HSPA4L: variants seen among roughly 807,000 people sequenced by gnomAD.
HSPA4L encodes the protein heat shock protein family A (Hsp70) member 4 like, also known as heat shock 70 kDa protein 4L.
HSPA4L carries 48 observed loss-of-function variants against 100.3 expected under a neutral mutation model. That is an observed-to-expected ratio of 0.48 (90% CI 0.38 to 0.61). HSPA4L has a LOEUF of 0.61. Ranked by LOEUF, HSPA4L falls within the 20% of genes least tolerant of loss-of-function variation. The pLI is 0.00. For synonymous variants in HSPA4L, 319 were observed against 328.2 expected (o/e 0.97, Z 0.30); for missense variants, 886 against 988.6 (o/e 0.90, Z 1.39).
chr4:127,805,738 C>T lies in HSPA4L; in HGVS notation c.1189C>T (p.Leu397Phe). ...FKVREFSITD[L>F]VPYSITLRWK... ...AGTGCGTGAATTTTCCATAACAGACCTTGTTCCCTATTCAATCACATTAAG... is the reference window on the plus strand; with the variant it reads ...AGTGCGTGAATTTTCCATAACAGACTTTGTTCCCTATTCAATCACATTAAG... Residue 397 changes from leucine to phenylalanine, a missense_variant, in exon 10 of 19, where the codon CTT becomes TTT. By Grantham distance (22) the Leu-to-Phe change is conservative. Transcript: ENST00000296464. 1.2e-6 allele frequency: 2 copies of T among 1,612,654 alleles called. No individual in the cohort carries two copies. The highest frequency in any genetic ancestry group is 2.2e-5 in the South Asian group (2 of 90,952).
At chr4:127,821,847 T>C (rs1301789967) in intron 14 of HSPA4L, among the ~76,000 whole-genome samples, 1 of 152,164 alleles carries the variant, frequency 6.6e-6, no homozygotes, top group Non-Finnish European at 1.5e-5. Context: ...AGAAAACTTA[T>C]GTTTAGATGA....
Position 127,801,144 on chromosome 4 carries a change from A to G in HSPA4L, c.436A>G (p.Ser146Gly). 1.2e-6 allele frequency: 2 copies of G among 1,608,962 alleles called. No homozygotes were observed. ...TGTTGTTTTTAAATACTAGATTCCT[A>G]GCTTTTTTACTGATGCCGAGAGAAG... ...PVADCVISIP[S>G]FFTDAERRSV... Residue 146 changes from serine to glycine, a missense_variant, in exon 5 of 19, where the codon AGC becomes GGC. Coordinates refer to ENST00000296464, the MANE Select transcript of HSPA4L (RefSeq NM_014278.4).
At chr4:127,823,255 C>T (rs151035612) in intron 15 of HSPA4L, among the ~76,000 whole-genome samples, 3 of 152,122 alleles carry the variant, frequency 2.0e-5, no homozygotes, top group Non-Finnish European at 2.9e-5. Flanking sequence ...CTCAAGCAGT[C>T]CTCTCACCTC....
intron 3 of HSPA4L, 70 bp downstream of exon 3, chr4:127,795,978 A>G (rs372033195): frequency 6.7e-7 from 1 of 1,498,020 alleles, no homozygotes. Context: ...TAATATTGCT[A>G]TTTGTAGTTT....
chr4:127,794,115 G>T lies in HSPA4L; in HGVS notation c.146G>T (p.Gly49Val), dbSNP rs754279302. Reference protein sequence around the residue: ...ISLGSRTRAIGNAAKSQIVTN... With the variant: ...ISLGSRTRAIVNAAKSQIVTN... ...TTGGGATCAAGAACTCGAGCCATTG[G>T]AAATGCAGCAAAGAGCCAGGTAAAT... Residue 49 changes from glycine to valine, a missense_variant, in exon 2 of 19, where the codon GGA becomes GTA. Transcript: ENST00000296464. 1.2e-6 allele frequency: 2 copies of T among 1,611,186 alleles called. No individual in the cohort carries two copies.
intron 11 of HSPA4L, 64 bp from the exon 12 acceptor site, chr4:127,811,373 A>G: frequency 2.4e-6 from 3 of 1,227,378 alleles, no homozygotes; most frequent in Non-Finnish European, 3.6e-6. Context: ...TAGCCAAATT[A>G]TTCAATGAAT....
At position 127,835,370 on chromosome 4, in the gene HSPA4L, A is replaced by T. The variant is rs1734180231; in HGVS notation, c.*2496A>T. Reference sequence around the variant, plus strand: ...TAAAAAACAATTGTTAAATAATATAATGGAAGTTTGTGATAATTCCTTAGC... The same window carrying T: ...TAAAAAACAATTGTTAAATAATATATTGGAAGTTTGTGATAATTCCTTAGC... On this transcript the variant is annotated 3_prime_UTR_variant, in exon 19 of 19. Transcript: ENST00000296464. 6.6e-6 allele frequency: 1 copy of T among 152,186 alleles called. No homozygotes were observed. Among genetic ancestry groups the T allele is most frequent in the Non-Finnish European group, 1.5e-5 (1 of 68,042 alleles). The allele number at this position is 152,186 out of a possible 1,614,324, so 9.4% of individuals were successfully genotyped here. A position where few individuals can be genotyped will look rare whatever the true frequency, so the allele number is the denominator to read the frequency against.
At chr4:127,798,778 AT>A (rs1220147854) in intron 4 of HSPA4L, 69 bp downstream of exon 4, 1 of 1,458,582 alleles carries the variant, frequency 6.9e-7, no homozygotes, top group East Asian at 2.3e-5. Flanking sequence ...ATATTGAAAG[AT>A]TTTTCTTCCC....
At chr4:127,788,775 A>G (rs1454596065) in intron 1 of HSPA4L, among the ~76,000 whole-genome samples, 2 of 152,204 alleles carry the variant, frequency 1.3e-5, no homozygotes, top group African/African-American at 4.8e-5. Context: ...ACAGTGCATT[A>G]CAGTACAGCC....
intron 12 of HSPA4L, among the ~76,000 whole-genome samples, chr4:127,815,497 A>C (rs1029154987): frequency 2.0e-5 from 3 of 152,102 alleles, no homozygotes; most frequent in Admixed American, 6.6e-5. Context: ...TCTGCAAAAA[A>C]AAAAAAAAAT....
intron 12 of HSPA4L, chr4:127,813,147 A>G (rs1733584420): frequency 1.5e-5 from 21 of 1,423,122 alleles, no homozygotes; most frequent in Non-Finnish European, 1.8e-5. Context: ...GTTTTCTAAA[A>G]GGCCTAGAGA....
intron 12 of HSPA4L, among the ~76,000 whole-genome samples, chr4:127,817,969 GTATTTCTCGTAATGC>G (rs1733714946): frequency 6.6e-6 from 1 of 152,082 alleles, no homozygotes; most frequent in East Asian, 1.9e-4. Context: ...TCTACATTAG[GTATTTCTCGTAATGC>G]TATCCCTCCC....
intron 10 of HSPA4L, among the ~76,000 whole-genome samples, chr4:127,807,341 C>T (rs1407378526): frequency 1.3e-5 from 2 of 151,818 alleles, no homozygotes; most frequent in Non-Finnish European, 2.9e-5. Context: ...CTGCAAAGGA[C>T]ATTGTTGTAT....
chr4:127,801,270 G>T (rs1212287461), intron 5 of HSPA4L, 33 bp downstream of exon 5: 1 of 1,394,470 alleles, frequency 7.2e-7, no homozygotes, highest in African/African-American at 1.5e-5. Context: ...ATCACTATAA[G>T]CAAAATACTG....
chr4:127,803,597 G>T, intron 6 of HSPA4L, 32 bp from the exon 7 acceptor site: 21 of 1,440,864 alleles, frequency 1.5e-5, no homozygotes, highest in South Asian at 6.5e-5. Flanking sequence ...CTATATTTCT[G>T]AAAATACAGT....
chr4:127,790,358 G>C (rs774502965), intron 1 of HSPA4L, among the ~76,000 whole-genome samples: 1 of 152,136 alleles, frequency 6.6e-6, no homozygotes, highest in African/African-American at 2.4e-5. Flanking sequence ...AATGGCAAAC[G>C]CATATTTTCT....
At chr4:127,817,158 C>T (rs566104330) in intron 12 of HSPA4L, among the ~76,000 whole-genome samples, 3 of 152,122 alleles carry the variant, frequency 2.0e-5, no homozygotes, top group East Asian at 3.9e-4. Context: ...CTCCGCCTCC[C>T]GGGTTCAAGC....
intron 14 of HSPA4L, 69 bp from the exon 15 acceptor site, chr4:127,822,700 C>T: frequency 6.9e-7 from 1 of 1,458,730 alleles, no homozygotes; most frequent in Non-Finnish European, 9.5e-7. Flanking sequence ...GAAGTGGTAT[C>T]TTGTGGTTTT....
intron 12 of HSPA4L, chr4:127,813,411 A>G (rs1733593734): frequency 4.4e-6 from 2 of 453,474 alleles, no homozygotes; most frequent in Non-Finnish European, 7.7e-6. Context: ...CTTTCCATGT[A>G]TCATTTTGTA....
Sources: allele counts gnomAD v4.1 joint callset (sites outside exome capture counted in the v4.1 genomes callset), GRCh38; gene constraint gnomAD v4.1.1; transcripts MANE v1.5; gene names NCBI Gene and HGNC (gene_info 2026-07-23, HGNC 2026-07-21).